PDE1C: variants seen among roughly 807,000 people sequenced by gnomAD.
PDE1C encodes phosphodiesterase 1C.
Under a neutral mutation model 93.1 loss-of-function variants are expected in PDE1C, and 62 were observed. That is an observed-to-expected ratio of 0.67 (90% CI 0.54 to 0.82). The LOEUF is 0.82. PDE1C is among the 40% of genes least tolerant of loss of function. PDE1C has a pLI of 0.00. For missense variants in PDE1C, 742 were observed against 884.6 expected (o/e 0.84, Z 2.04); for synonymous variants, 325 against 310.1 (o/e 1.05, Z -0.50).
At chr7:32,187,435 C>T (rs900516433) in intron 2 of PDE1C, among the ~76,000 whole-genome samples, 8 of 152,066 alleles carry the variant, frequency 5.3e-5, no homozygotes, top group African/African-American at 1.9e-4. Context: ...CTTTCTTTCC[C>T]TCTACTCACT....
At chr7:32,251,723 T>C (rs938883002) in intron 1 of PDE1C, among the ~76,000 whole-genome samples, 1 of 152,172 alleles carries the variant, frequency 6.6e-6, no homozygotes, top group Non-Finnish European at 1.5e-5. Context: ...CATTGAAATG[T>C]TCATAACCCT....
chr7:31,624,871 C>T, the PDE1C span, among the ~76,000 whole-genome samples: 1 of 152,166 alleles, frequency 6.6e-6, no homozygotes, highest in Non-Finnish European at 1.5e-5. Flanking sequence ...GCAACCTATT[C>T]ATCTGACAAA....
intron 1 of PDE1C, among the ~76,000 whole-genome samples, chr7:32,067,043 G>C (rs146849522): frequency 6.6e-6 from 1 of 152,176 alleles, no homozygotes; most frequent in African/African-American, 2.4e-5. Flanking sequence ...GCCTCTGAGC[G>C]TTAGTGTGCA....
intron 8 of PDE1C, 135 bp from the exon 9 acceptor site, chr7:31,848,231 C>T (rs896878649): frequency 3.9e-6 from 3 of 774,704 alleles, no homozygotes; most frequent in Non-Finnish European, 4.2e-6. Flanking sequence ...GTTATATGAA[C>T]CAAAAGCTCA....
the PDE1C span, among the ~76,000 whole-genome samples, chr7:31,654,464 C>T: frequency 7.2e-5 from 11 of 152,162 alleles, no homozygotes; most frequent in Non-Finnish European, 1.5e-4. Flanking sequence ...TAAGCAGGGT[C>T]GTCATATAAT....
intron 16 of PDE1C, among the ~76,000 whole-genome samples, chr7:31,794,081 C>CAGATAGATAGAT (rs1213702808): frequency 2.3e-4 from 31 of 135,782 alleles, no homozygotes; most frequent in Admixed American, 4.3e-4. Flanking sequence ...GACAGACAGA[C>CAGATAGATAGAT]AGACAGACAG....
intron 1 of PDE1C, among the ~76,000 whole-genome samples, chr7:32,278,040 C>A (rs1811393880): frequency 7.1e-6 from 1 of 140,554 alleles, no homozygotes. Flanking sequence ...ACCAATATGC[C>A]ACAAGTGTGA....
rs982300090 is a variant in PDE1C at position 31,752,421 on chromosome 7, A to C, written c.*963T>G. On this transcript the variant is annotated 3_prime_UTR_variant, in exon 18 of 18. Transcript: ENST00000396191. ...GGCTTTAGATATGTAGCGTGCTGTG[A>C]AGAGGATCTGAAATGTAACTTAAAG... 1.3e-5 allele frequency: 2 copies of C among 152,154 alleles called. No individual in the cohort carries two copies. The highest frequency in any genetic ancestry group is 4.8e-5 in the African/African-American group (2 of 41,448). The allele number at this position is 152,154 out of a possible 1,614,324, so 9.4% of individuals were successfully genotyped here.
chr7:32,294,775 G>A (rs1456180989), intron 1 of PDE1C, among the ~76,000 whole-genome samples: 1 of 152,158 alleles, frequency 6.6e-6, no homozygotes, highest in Non-Finnish European at 1.5e-5. Flanking sequence ...CACTTCATAT[G>A]CAAATGCTCC....
intron 1 of PDE1C, among the ~76,000 whole-genome samples, chr7:32,422,950 C>T (rs1439221186): frequency 4.6e-5 from 7 of 152,208 alleles, no homozygotes; most frequent in African/African-American, 9.6e-5. Context: ...ATCCCAAGAA[C>T]TCACTAATGG....
chr7:32,057,099 C>T (rs1017613829), intron 1 of PDE1C, among the ~76,000 whole-genome samples: 1 of 152,160 alleles, frequency 6.6e-6, no homozygotes, highest in African/African-American at 2.4e-5. Flanking sequence ...TAGTTATGAA[C>T]TGGATATCAC....
the PDE1C span, among the ~76,000 whole-genome samples, chr7:31,640,802 G>C: frequency 6.6e-6 from 1 of 152,124 alleles, no homozygotes; most frequent in South Asian, 2.1e-4. Context: ...TGTGTAACAA[G>C]AGGCAATGGC....
At chr7:32,415,358 G>A (rs1785252732) in intron 1 of PDE1C, among the ~76,000 whole-genome samples, 1 of 152,170 alleles carries the variant, frequency 6.6e-6, no homozygotes, top group Non-Finnish European at 1.5e-5. Flanking sequence ...GGCTGAGGCA[G>A]GAGAATAGCT....
intron 2 of PDE1C, among the ~76,000 whole-genome samples, chr7:32,177,000 G>T (rs1803041721): frequency 6.6e-6 from 1 of 152,130 alleles, no homozygotes; most frequent in Non-Finnish European, 1.5e-5. Context: ...ATTCATAAAT[G>T]ATAGACTATT....
chr7:32,283,515 T>C (rs1243476329), intron 1 of PDE1C, among the ~76,000 whole-genome samples: 1 of 152,220 alleles, frequency 6.6e-6, no homozygotes, highest in Non-Finnish European at 1.5e-5. Flanking sequence ...ATGGTAGTAA[T>C]AGCATGCTGA....
chr7:31,646,759 C>T, the PDE1C span, among the ~76,000 whole-genome samples: 5 of 152,124 alleles, frequency 3.3e-5, no homozygotes, highest in Non-Finnish European at 7.4e-5. Flanking sequence ...TGTCCTCAGA[C>T]GTGGGTAGAT....
intron 11 of PDE1C, among the ~76,000 whole-genome samples, chr7:31,836,299 T>C (rs1401269152): frequency 6.6e-6 from 1 of 151,904 alleles, no homozygotes; most frequent in Non-Finnish European, 1.5e-5. Context: ...TTAAAATTTG[T>C]TTTTAAACAA....
the PDE1C span, among the ~76,000 whole-genome samples, chr7:31,666,016 G>A: frequency 1.1e-3 from 170 of 152,220 alleles, no homozygotes; most frequent in Non-Finnish European, 2.0e-3. Flanking sequence ...TGGGTACCCC[G>A]TTTTTGTTGT....
Position 31,775,697 on chromosome 7 carries a change from T to C in PDE1C, c.1927A>G (p.Ser643Gly). 1 of 1,612,848 alleles carries C rather than the reference T, an allele frequency of 6.2e-7. No individual in the cohort carries two copies. Among genetic ancestry groups the C allele is most frequent in the Non-Finnish European group, 8.5e-7 (1 of 1,179,866 alleles). ...GTAAGGCGACACGTGGAGCTGGTGCTTGGGGCTGGTGAGCCGTGAGAACGC... is the reference window on the plus strand; with the variant it reads ...GTAAGGCGACACGTGGAGCTGGTGCCTGGGGCTGGTGAGCCGTGAGAACGC... ...KQRSHGSPAP[S>G]TSSTCRLTLP... The change falls in exon 17 of 18, where the codon AGC (serine) becomes GGC (glycine). Residue 643 changes from serine (S) to glycine (G), a missense_variant. Around this residue, in one of 4 missense-constraint regions of PDE1C, gnomAD observed 454 missense variants for 459.4 expected, o/e 0.99. Transcript: ENST00000396191.
Sources: allele counts gnomAD v4.1 joint callset (sites outside exome capture counted in the v4.1 genomes callset), GRCh38; gene constraint gnomAD v4.1.1; regional missense constraint gnomAD v4.1.1; transcripts MANE v1.5; gene names NCBI Gene and HGNC (gene_info 2026-07-23, HGNC 2026-07-21).